The following AFG2A variants were observed in gnomAD, a reference collection of about 807,000 sequenced individuals.
The protein encoded by AFG2A is ATPase family gene 2 protein homolog A.
the AFG2A span, among the ~76,000 whole-genome samples, chr4:123,081,619 T>C: frequency 1.3e-5 from 2 of 152,202 alleles, no homozygotes; most frequent in African/African-American, 4.8e-5. Context: ...TTTGTGGATA[T>C]AAGTTTTCTA....
the AFG2A span, among the ~76,000 whole-genome samples, chr4:123,146,516 A>G: frequency 2.6e-5 from 4 of 152,148 alleles, no homozygotes; most frequent in African/African-American, 9.7e-5. Flanking sequence ...CAGGGAAAGT[A>G]TTTATGAACT....
At chr4:123,074,702 T>C in the AFG2A span, among the ~76,000 whole-genome samples, 20 of 152,326 alleles carry the variant, frequency 1.3e-4, no homozygotes, top group South Asian at 4.1e-3. Context: ...ATATTAGCAC[T>C]ATCTCTTGCC....
chr4:123,188,854 T>C, the AFG2A span, among the ~76,000 whole-genome samples: 1 of 152,200 alleles, frequency 6.6e-6, no homozygotes, highest in African/African-American at 2.4e-5. Flanking sequence ...ATGCTAGTCA[T>C]TGTAGGGTAA....
the AFG2A span, among the ~76,000 whole-genome samples, chr4:123,051,774 C>T: frequency 6.6e-6 from 1 of 151,370 alleles, no homozygotes; most frequent in Non-Finnish European, 1.5e-5. Context: ...TTCACTCCCT[C>T]CAACCCTAAG....
the AFG2A span, among the ~76,000 whole-genome samples, chr4:123,202,099 A>G: frequency 6.6e-6 from 1 of 152,178 alleles, no homozygotes; most frequent in Admixed American, 6.5e-5. Flanking sequence ...TCTACATAGC[A>G]TCTTTTAAAA....
At chr4:123,232,561 G>C in the AFG2A span, among the ~76,000 whole-genome samples, 1 of 152,012 alleles carries the variant, frequency 6.6e-6, no homozygotes, top group Non-Finnish European at 1.5e-5. Flanking sequence ...ATTTGAGTCA[G>C]CTGAGAAAAG....
At chr4:123,239,333 A>G in the AFG2A span, among the ~76,000 whole-genome samples, 1 of 152,152 alleles carries the variant, frequency 6.6e-6, no homozygotes. Flanking sequence ...TACAGAGAAC[A>G]CCACAAAGAT....
the AFG2A span, among the ~76,000 whole-genome samples, chr4:123,218,562 G>T: frequency 4.6e-5 from 7 of 152,048 alleles, no homozygotes; most frequent in Admixed American, 4.6e-4. Context: ...TGTTTATTTG[G>T]TTGGATAATT....
the AFG2A span, among the ~76,000 whole-genome samples, chr4:123,171,922 A>G: frequency 6.6e-6 from 1 of 152,074 alleles, no homozygotes; most frequent in Non-Finnish European, 1.5e-5. Flanking sequence ...GGAAGTCTCC[A>G]TTCTTATTAA....
chr4:122,928,965 A>G, the AFG2A span: 1 of 1,526,926 alleles, frequency 6.5e-7, no homozygotes, highest in Non-Finnish European at 8.8e-7. Flanking sequence ...GACTGTGCTT[A>G]GCATTCTACC....
At chr4:123,300,925 T>C in the AFG2A span, among the ~76,000 whole-genome samples, 1 of 152,104 alleles carries the variant, frequency 6.6e-6, no homozygotes, top group Non-Finnish European at 1.5e-5. Context: ...CATGATTAGC[T>C]CCATTTTGTA....
the AFG2A span, among the ~76,000 whole-genome samples, chr4:123,217,550 TA>T: frequency 6.6e-6 from 1 of 152,168 alleles, no homozygotes; most frequent in Non-Finnish European, 1.5e-5. Context: ...TGGTTAAAAA[TA>T]AAAAAGGAAA....
the AFG2A span, among the ~76,000 whole-genome samples, chr4:123,195,137 G>A: frequency 1.3e-5 from 2 of 152,112 alleles, no homozygotes; most frequent in South Asian, 4.1e-4. Context: ...CAACATGCCA[G>A]TTAGTCAATT....
chr4:123,016,892 G>C, the AFG2A span, among the ~76,000 whole-genome samples: 2 of 152,302 alleles, frequency 1.3e-5, no homozygotes, highest in East Asian at 3.9e-4. Context: ...CGCCGAGGCT[G>C]GCGGATCACT....
the AFG2A span, among the ~76,000 whole-genome samples, chr4:123,148,503 A>G: frequency 6.6e-6 from 1 of 152,176 alleles, no homozygotes; most frequent in Non-Finnish European, 1.5e-5. Context: ...AGCCTATAGC[A>G]ACTGCCTTTA....
chr4:123,197,760 T>TC, the AFG2A span, among the ~76,000 whole-genome samples: 1 of 143,710 alleles, frequency 7.0e-6, no homozygotes. Context: ...GGAGTAAGAC[T>TC]CCATCTCAAA....
At chr4:123,312,966 C>A in the AFG2A span, among the ~76,000 whole-genome samples, 1 of 152,128 alleles carries the variant, frequency 6.6e-6, no homozygotes. Context: ...TTCAGCTGGC[C>A]CTTTCATTTA....
the AFG2A span, among the ~76,000 whole-genome samples, chr4:123,190,067 T>C: frequency 6.6e-6 from 1 of 152,130 alleles, no homozygotes; most frequent in African/African-American, 2.4e-5. Context: ...CCCAAAGTGC[T>C]GGGATTACAG....
the AFG2A span, among the ~76,000 whole-genome samples, chr4:123,289,194 G>A: frequency 1.3e-5 from 2 of 152,064 alleles, no homozygotes; most frequent in African/African-American, 4.8e-5. Context: ...TGAATCTCCA[G>A]TGTCCATTAT....
Sources: allele counts gnomAD v4.1 joint callset (sites outside exome capture counted in the v4.1 genomes callset), GRCh38; gene constraint gnomAD v4.1.1; transcripts MANE v1.5; gene names NCBI Gene and HGNC (gene_info 2026-07-23, HGNC 2026-07-21).